Variants in STX17 observed in about 807,000 individuals in gnomAD.
The protein encoded by STX17 is syntaxin 17, also known as syntaxin-17.
Under a neutral mutation model 35.9 loss-of-function variants are expected in STX17, and 29 were observed. That is an observed-to-expected ratio of 0.81 (90% confidence interval 0.60 to 1.10). STX17 has a LOEUF of 1.10. Ranked by LOEUF, STX17 falls within the 50% of genes least tolerant of loss-of-function variation. The pLI is 0.00. For missense variants in STX17, 312 were observed against 352.3 expected, an observed-to-expected ratio of 0.89 and a Z score of 0.92; for synonymous variants, 92 against 118.3, an observed-to-expected ratio of 0.78 and a Z score of 1.44.
chr9:99,935,475 C>T (rs1459762878), intron 3 of STX17, among the ~76,000 whole-genome samples: 1 of 151,712 alleles, frequency 6.6e-6, no homozygotes, highest in East Asian at 1.9e-4. Flanking sequence ...CTGGATATTT[C>T]TGAAAATTTT....
chr9:99,951,429 T>G, intron 4 of STX17, 144 bp downstream of exon 4: 2 of 709,080 alleles, frequency 2.8e-6, no homozygotes, highest in Non-Finnish European at 4.4e-6. Context: ...CCCTGATCAG[T>G]GTTCCTGGAA....
intron 6 of STX17, among the ~76,000 whole-genome samples, chr9:99,964,695 A>G (rs1405254115): frequency 1.3e-5 from 2 of 152,082 alleles, no homozygotes; most frequent in Non-Finnish European, 2.9e-5. Context: ...TTAGAGCTTG[A>G]TTTCACAGGC....
chr9:99,908,943 C>CT (rs1828609780), intron 1 of STX17, among the ~76,000 whole-genome samples: 1 of 152,216 alleles, frequency 6.6e-6, no homozygotes, highest in Non-Finnish European at 1.5e-5. Flanking sequence ...TGCTTCTAGT[C>CT]TAACACCACA....
chr9:99,943,484 T>C (rs928384895), intron 3 of STX17, among the ~76,000 whole-genome samples: 5 of 152,148 alleles, frequency 3.3e-5, no homozygotes, highest in African/African-American at 1.2e-4. Context: ...ATTTTTGTAT[T>C]TCTTAGTAGA....
chr9:99,950,955 G>GAT (rs1241965141), intron 3 of STX17, 105 bp from the exon 4 acceptor site: 1 of 1,047,092 alleles, frequency 9.6e-7, no homozygotes, highest in East Asian at 2.6e-5. Context: ...CTATTGTGGA[G>GAT]ATATTTGTTA....
chr9:99,914,763 G>A (rs1400222478), intron 1 of STX17, among the ~76,000 whole-genome samples: 2 of 152,034 alleles, frequency 1.3e-5, no homozygotes, highest in Non-Finnish European at 2.9e-5. Context: ...TTTTTAAAAA[G>A]GTTATTCAAT....
Position 99,973,215 on chromosome 9 carries a change from G to GA in STX17, c.*4553dup, listed in dbSNP as rs11312818. Among the ~76,000 whole-genome samples the GA allele has an allele frequency of 1.0e-3, 151 of 146,350 alleles. No individual in the cohort carries two copies. Among genetic ancestry groups the GA allele is most frequent in the African/African-American group, 2.5e-3 (99 of 40,226 alleles). ...AAATATATCTGTGCAATATTAAATT[G>GA]AAAAAAAAAAACCCATAAAAAGTGT... On this transcript the variant is annotated 3_prime_UTR_variant, in exon 8 of 8. Transcript: ENST00000259400.
At chr9:99,965,680 A>G (rs920428576) in intron 6 of STX17, among the ~76,000 whole-genome samples, 6 of 152,220 alleles carry the variant, frequency 3.9e-5, no homozygotes, top group Non-Finnish European at 7.3e-5. Context: ...AAGTTTTGCT[A>G]TTGAGGAAAA....
At chr9:99,909,817 T>A (rs1423279963) in intron 1 of STX17, among the ~76,000 whole-genome samples, 1 of 152,234 alleles carries the variant, frequency 6.6e-6, no homozygotes, top group Non-Finnish European at 1.5e-5. Flanking sequence ...CTTGAGGTGA[T>A]GGATACCTCA....
rs1260607608 is a variant in STX17 at position 99,974,271 on chromosome 9, C to T, written c.*5598C>T. The stretch of plus-strand genomic sequence containing the variant: ...CATTCAATGGTACATGTTTTCTGTA[C>T]ACTTCATGAGTAGTTGAGATTTTCT... On this transcript the variant is annotated 3_prime_UTR_variant, in exon 8 of 8. Transcript: ENST00000259400. Among the ~76,000 whole-genome samples, 6 of 152,192 alleles carry T rather than the reference C, an allele frequency of 3.9e-5. No homozygotes were observed. The highest frequency in any genetic ancestry group is 1.4e-4 in the African/African-American group (6 of 41,446).
intron 3 of STX17, among the ~76,000 whole-genome samples, chr9:99,938,760 C>T (rs578154796): frequency 9.5e-5 from 11 of 116,146 alleles, no homozygotes; most frequent in Non-Finnish European, 1.5e-4. Context: ...GCACTCCAGC[C>T]TGGGTGACAG....
chr9:99,947,018 T>C (rs1829500153), intron 3 of STX17, among the ~76,000 whole-genome samples: 1 of 152,104 alleles, frequency 6.6e-6, no homozygotes, highest in Non-Finnish European at 1.5e-5. Context: ...TTTTGAAAAT[T>C]CTCAGTCATT....
Position 99,921,153 on chromosome 9 carries a change from A to T in STX17, c.123+5791A>T, listed in dbSNP as rs10988922. Among the ~76,000 whole-genome samples the T allele has an allele frequency of 5.3e-4, 80 of 152,302 alleles. No individual in the cohort carries two copies. The East Asian group carries it at 0.015, about 28-fold the overall frequency. On this transcript the variant is annotated intron_variant, in intron 2 of 7. Transcript: ENST00000259400. ...CTTGCTTGAGATCCCTATGTTAGTA[A>T]ATGTGTTAAACTTCTAACATGCTTG...
chr9:99,964,399 C>A (rs949377189), intron 6 of STX17, among the ~76,000 whole-genome samples: 6 of 152,054 alleles, frequency 3.9e-5, no homozygotes, highest in African/African-American at 1.2e-4. Flanking sequence ...TTCTTAGAGT[C>A]ATTTGAGAAT....
intron 4 of STX17, among the ~76,000 whole-genome samples, chr9:99,957,157 G>T (rs943954706): frequency 2.6e-5 from 4 of 151,928 alleles, no homozygotes; most frequent in Non-Finnish European, 4.4e-5. Context: ...ATTCCTTGAG[G>T]GCCTTTGTTC....
At chr9:99,934,740 A>G (rs1314910924) in intron 3 of STX17, among the ~76,000 whole-genome samples, 9 of 152,182 alleles carry the variant, frequency 5.9e-5, no homozygotes, top group Non-Finnish European at 1.0e-4. Flanking sequence ...TTTGTTCTCA[A>G]AATTACATGT....
intron 3 of STX17, among the ~76,000 whole-genome samples, chr9:99,935,263 G>A (rs569860092): frequency 6.3e-4 from 93 of 148,468 alleles, no homozygotes; most frequent in African/African-American, 2.2e-3. Context: ...CCAGGAGGAG[G>A]AGCTTGCAGT....
chr9:99,973,995 T>C lies in STX17; in HGVS notation c.*5322T>C, dbSNP rs1289407327. Among the ~76,000 whole-genome samples the C allele has an allele frequency of 1.3e-5, 2 of 152,240 alleles. No individual in the cohort carries two copies. The highest frequency in any genetic ancestry group is 2.9e-5 in the Non-Finnish European group (2 of 68,034). On this transcript the variant is annotated 3_prime_UTR_variant, in exon 8 of 8. Transcript: ENST00000259400. ...TACATTTTTCTGGTCTAAAATAATT[T>C]CTATATTACTTTATAATAGTCAGCT...
chr9:99,924,859 A>G (rs896041172), intron 2 of STX17, among the ~76,000 whole-genome samples: 4 of 151,998 alleles, frequency 2.6e-5, no homozygotes, highest in African/African-American at 9.7e-5. Flanking sequence ...TCTTCCCAAT[A>G]TTAGAGAATG....
Sources: gnomAD v4.1 joint callset for allele counts (sites outside exome capture counted in the v4.1 genomes callset) on GRCh38, gnomAD v4.1.1 for gene constraint, MANE v1.5 for transcripts, NCBI Gene and HGNC (gene_info 2026-07-23, HGNC 2026-07-21) for gene names.